ATP10D: variants seen among roughly 807,000 people sequenced by gnomAD.
ATP10D encodes ATPase phospholipid transporting 10D (putative).
In ATP10D, 89 loss-of-function variants were observed where a neutral mutation model predicts 144.8. That is an observed-to-expected ratio of 0.61 (90% CI 0.52 to 0.73). The LOEUF (loss-of-function observed/expected upper bound fraction) is 0.73. Ranked by LOEUF, ATP10D falls within the 30% of genes least tolerant of loss-of-function variation. The pLI is 0.00. For synonymous variants in ATP10D, 571 were observed against 615.1 expected (o/e 0.93, Z 1.06); for missense variants, 1,603 against 1,714.8 (o/e 0.93, Z 1.15).
intron 3 of ATP10D, among the ~76,000 whole-genome samples, chr4:47,520,228 C>T (rs1716874650): frequency 6.6e-6 from 1 of 152,174 alleles, no homozygotes; most frequent in African/African-American, 2.4e-5. Context: ...GAGCAGTAAG[C>T]ATGAATTATG....
Position 47,576,787 on chromosome 4 carries a change from C to A in ATP10D, c.3381C>A (p.Leu1127=). 2 of 1,614,122 alleles carry A rather than the reference C, an allele frequency of 1.2e-6. No homozygotes were observed. Among genetic ancestry groups the A allele is most frequent in the Non-Finnish European group, 1.7e-6 (2 of 1,180,002 alleles). Residue 1127 remains leucine, a synonymous_variant, in exon 19 of 23, where the codon CTC becomes CTA. Coordinates refer to ENST00000273859, the MANE Select transcript of ATP10D (RefSeq NM_020453.4). ...TGTGTCTCTAGGCCTATGTGAACCT[C>A]CTTTTCTGGTACCAGTTCTTTTGTG... ...FFYKNVAYVN[L]LFWYQFFCGF...
chr4:47,560,890 T>C (rs1410551663), intron 13 of ATP10D, 59 bp from the exon 14 acceptor site: 2 of 1,603,752 alleles, frequency 1.2e-6, no homozygotes, highest in African/African-American at 2.7e-5. Context: ...AGGTCAGTCC[T>C]GGTATTCCCA....
At position 47,581,707 on chromosome 4, in the gene ATP10D, T is replaced by A. The variant is rs1720527105; in HGVS notation, c.3649-253T>A. On this transcript the variant is annotated intron_variant, in intron 20 of 22. Transcript: ENST00000273859. ...TACCTTAAAAAGCTAGAAGTGTGAG[T>A]GAAAGGTTCCAGGAGGATCAATTAT... Among the ~76,000 whole-genome samples, 4 of 152,094 alleles carry A rather than the reference T, an allele frequency of 2.6e-5. No individual in the cohort carries two copies. The South Asian group carries it at 8.3e-4, about 32-fold the overall frequency.
intron 1 of ATP10D, among the ~76,000 whole-genome samples, chr4:47,495,948 G>A (rs191896992): frequency 6.6e-6 from 1 of 151,768 alleles, no homozygotes; most frequent in Non-Finnish European, 1.5e-5. Context: ...TGTTGGTCAG[G>A]CTGGTCGCGA....
At chr4:47,528,301 T>C (rs1717361662) in intron 5 of ATP10D, among the ~76,000 whole-genome samples, 1 of 152,016 alleles carries the variant, frequency 6.6e-6, no homozygotes, top group African/African-American at 2.4e-5. Flanking sequence ...CATGTGTCCA[T>C]GTATACCCAT....
Position 47,496,940 on chromosome 4 carries a change from C to T in ATP10D, c.-38+11421C>T, listed in dbSNP as rs535338244. Among the ~76,000 whole-genome samples the T allele has an allele frequency of 2.8e-4, 43 of 152,152 alleles. 1 individual carries two copies. In the East Asian group the frequency reaches 7.0e-3, roughly 25 times the overall value. ...CACTGTAACCTCTGCCTCCTGGGTTCGAGTGATTCTCATGCCTCAGCCTCC... is the reference window on the plus strand; with the variant it reads ...CACTGTAACCTCTGCCTCCTGGGTTTGAGTGATTCTCATGCCTCAGCCTCC... On this transcript the variant is annotated intron_variant, in intron 1 of 22. Coordinates refer to ENST00000273859, the MANE Select transcript of ATP10D (RefSeq NM_020453.4).
intron 3 of ATP10D, among the ~76,000 whole-genome samples, chr4:47,521,140 C>T (rs1312300039): frequency 1.3e-5 from 2 of 152,106 alleles, no homozygotes; most frequent in East Asian, 3.9e-4. Flanking sequence ...CCTGAGAAAC[C>T]TTATCCTTAC....
At chr4:47,518,247 G>T (rs965733199) in intron 3 of ATP10D, among the ~76,000 whole-genome samples, 8 of 151,976 alleles carry the variant, frequency 5.3e-5, no homozygotes, top group Non-Finnish European at 7.4e-5. Flanking sequence ...TGTAGTAGGT[G>T]GTGTTTCACA....
chr4:47,565,372 A>G (rs1393854888), intron 15 of ATP10D, among the ~76,000 whole-genome samples: 1 of 152,168 alleles, frequency 6.6e-6, no homozygotes, highest in Non-Finnish European at 1.5e-5. Context: ...GTGACCCATA[A>G]CCACAACCAC....
At chr4:47,563,547 T>C in intron 14 of ATP10D, 34 bp from the exon 15 acceptor site, 2 of 1,566,142 alleles carry the variant, frequency 1.3e-6, no homozygotes, top group Non-Finnish European at 1.7e-6. Flanking sequence ...CTTTGGTTTC[T>C]TACAAGTCCT....
chr4:47,542,160 G>T (rs954456773), intron 9 of ATP10D, among the ~76,000 whole-genome samples: 9 of 151,170 alleles, frequency 6.0e-5, no homozygotes, highest in Admixed American at 1.3e-4. Context: ...GCAGTGGCAT[G>T]ATCTCAGCTC....
At chr4:47,506,314 A>C in intron 1 of ATP10D, among the ~76,000 whole-genome samples, 1 of 152,226 alleles carries the variant, frequency 6.6e-6, no homozygotes, top group East Asian at 1.9e-4. Flanking sequence ...AGTGAAAACT[A>C]AATTAAATGG....
At position 47,592,893 on chromosome 4, in the gene ATP10D, T is replaced by G. The variant is rs1721109033; in HGVS notation, c.*1512T>G. Reference sequence around the variant, plus strand: ...TCATAAATAATGTATACTGGAAAATTGTCATCACTCTTGTAAACATTTGCC... The same window carrying G: ...TCATAAATAATGTATACTGGAAAATGGTCATCACTCTTGTAAACATTTGCC... On this transcript the variant is annotated 3_prime_UTR_variant, in exon 23 of 23. Transcript: ENST00000273859. 1.3e-5 allele frequency: 2 copies of G among 152,556 alleles called. No individual in the cohort carries two copies. The highest frequency in any genetic ancestry group is 4.8e-5 in the African/African-American group (2 of 41,440). The allele number at this position is 152,556 out of a possible 1,614,324, so 9.5% of individuals were successfully genotyped here.
chr4:47,566,502 A>G (rs1180280286), intron 15 of ATP10D, among the ~76,000 whole-genome samples: 3 of 152,186 alleles, frequency 2.0e-5, no homozygotes, highest in Non-Finnish European at 4.4e-5. Flanking sequence ...ATTACAACAA[A>G]TAGACATAGA....
chr4:47,544,610 T>G (rs1426621835), intron 9 of ATP10D, among the ~76,000 whole-genome samples: 1 of 152,164 alleles, frequency 6.6e-6, no homozygotes, highest in African/African-American at 2.4e-5. Context: ...AATGTTTCAT[T>G]CTGAAAACAA....
At chr4:47,490,080 A>G (rs1373040183) in intron 1 of ATP10D, among the ~76,000 whole-genome samples, 2 of 152,194 alleles carry the variant, frequency 1.3e-5, no homozygotes, top group Non-Finnish European at 2.9e-5. Flanking sequence ...CTGTCTCAAA[A>G]TGTTGTGAAA....
chr4:47,563,882 G>GTTGT (rs950207422), intron 15 of ATP10D, 117 bp downstream of exon 15: 11 of 1,078,230 alleles, frequency 1.0e-5, no homozygotes, highest in East Asian at 5.6e-5. Flanking sequence ...AGCTTTTTTT[G>GTTGT]TTGTTTGTTT....
At chr4:47,577,738 C>T (rs1178330056) in intron 19 of ATP10D, among the ~76,000 whole-genome samples, 1 of 152,162 alleles carries the variant, frequency 6.6e-6, no homozygotes, top group Non-Finnish European at 1.5e-5. Flanking sequence ...ACAGAGAAAT[C>T]ACAGATTCAG....
At position 47,582,038 on chromosome 4, in the gene ATP10D, C is replaced by T; in HGVS notation, c.3727C>T (p.His1243Tyr). The change falls in exon 21 of 23, where the codon CAT (histidine) becomes TAT (tyrosine). Residue 1243 changes from histidine (H) to tyrosine (Y), a missense_variant. Coordinates refer to ENST00000273859, the MANE Select transcript of ATP10D (RefSeq NM_020453.4). The part of the protein sequence containing the change: ...NTAALFIVLL[H>Y]LVIESKSLTW... ...AGCCGCTCTGTTCATCGTTCTCCTCCATCTGGTCATTGAAAGCAAGAGTTT... is the reference window on the plus strand; with the variant it reads ...AGCCGCTCTGTTCATCGTTCTCCTCTATCTGGTCATTGAAAGCAAGAGTTT... 5 of 1,613,928 alleles carry T rather than the reference C, an allele frequency of 3.1e-6. No individual in the cohort carries two copies. The Middle Eastern group carries it at 4.9e-4, about 160-fold the overall frequency.
Sources: allele counts gnomAD v4.1 joint callset (sites outside exome capture counted in the v4.1 genomes callset), GRCh38; gene constraint gnomAD v4.1.1; transcripts MANE v1.5; gene names NCBI Gene and HGNC (gene_info 2026-07-23, HGNC 2026-07-21).